Variants in UVSSA observed in about 807,000 individuals in gnomAD.
UVSSA encodes the protein UV-stimulated scaffold protein A.
UVSSA carries 72 observed loss-of-function variants against 73.9 expected under a neutral mutation model. The ratio of observed to expected loss-of-function variants is 0.97; its 90% CI spans 0.81 to 1.19. The LOEUF (loss-of-function observed/expected upper bound fraction) is 1.19, where lower values mean the gene tolerates loss of function less well. Among genes scored for constraint, UVSSA ranks in the 50% most tolerant of loss-of-function variants. UVSSA has a pLI of 0.00. For synonymous variants in UVSSA, 454 were observed against 391.3 expected, an observed-to-expected ratio of 1.16 and a Z score of -1.89; for missense variants, 1,150 against 965.0, an observed-to-expected ratio of 1.19 and a Z score of -2.54.
chr4:1,359,491 T>C (rs1009841801), intron 7 of UVSSA: 1 of 152,248 alleles, frequency 6.6e-6, no homozygotes, highest in Admixed American at 6.5e-5. Context: ...TAACAAAATA[T>C]TAATTTCCTA....
At chr4:1,383,100 C>T (rs1719694528) in intron 12 of UVSSA, among the ~76,000 whole-genome samples, 1 of 151,930 alleles carries the variant, frequency 6.6e-6, no homozygotes, top group Admixed American at 6.6e-5. Flanking sequence ...GGGAGGCTGC[C>T]CAGTGGGGCT....
chr4:1,364,408 A>C (rs1246969888), intron 7 of UVSSA, among the ~76,000 whole-genome samples: 1 of 151,932 alleles, frequency 6.6e-6, no homozygotes, highest in Non-Finnish European at 1.5e-5. Flanking sequence ...TTGGAGCCGC[A>C]GTCCCCTGCA....
upstream of UVSSA, among the ~76,000 whole-genome samples, chr4:1,345,718 G>A (rs925591093): frequency 6.6e-6 from 1 of 151,010 alleles, no homozygotes; most frequent in Non-Finnish European, 1.5e-5. Context: ...TGGACGGGCA[G>A]CTTGGCTGTG....
intron 7 of UVSSA, among the ~76,000 whole-genome samples, chr4:1,363,897 G>T (rs962427857): frequency 6.6e-6 from 1 of 152,288 alleles, no homozygotes; most frequent in Non-Finnish European, 1.5e-5. Flanking sequence ...CTCAGCAGTG[G>T]GATGCTCCTA....
intron 10 of UVSSA, among the ~76,000 whole-genome samples, chr4:1,376,702 T>C (rs1718811787): frequency 6.6e-6 from 1 of 152,238 alleles, no homozygotes; most frequent in African/African-American, 2.4e-5. Flanking sequence ...GGGGGTCATC[T>C]GTGCGAAAGT....
intron 8 of UVSSA, among the ~76,000 whole-genome samples, chr4:1,371,203 C>T (rs1016340514): frequency 6.6e-6 from 1 of 151,874 alleles, no homozygotes; most frequent in Non-Finnish European, 1.5e-5. Flanking sequence ...AAAAGAAGGC[C>T]TGCACGCTCT....
At chr4:1,360,299 G>A (rs933616906) in intron 7 of UVSSA, among the ~76,000 whole-genome samples, 5 of 152,212 alleles carry the variant, frequency 3.3e-5, no homozygotes, top group African/African-American at 4.8e-5. Context: ...GCACAGACCC[G>A]TCTTTTGGGC....
In UVSSA at chr4:1,353,847, C is replaced by T. The variant is rs568679620; in HGVS notation, c.934+434C>T. Reference sequence around the variant, plus strand: ...GTCGCCATGAGGGGTCAGGTAGCACCGGCCCTTGCTGGGAGGAAAATGTGT... The same window carrying T: ...GTCGCCATGAGGGGTCAGGTAGCACTGGCCCTTGCTGGGAGGAAAATGTGT... On this transcript the variant is annotated intron_variant, in intron 5 of 13. Transcript: ENST00000389851. Among the ~76,000 whole-genome samples, 11 of 152,300 alleles carry T rather than the reference C, an allele frequency of 7.2e-5. No individual in the cohort carries two copies. In the East Asian group the frequency reaches 1.4e-3, roughly 19 times the overall value.
chr4:1,354,233 G>A (rs373055493), intron 5 of UVSSA, among the ~76,000 whole-genome samples: 1 of 152,170 alleles, frequency 6.6e-6, no homozygotes, highest in South Asian at 2.1e-4. Flanking sequence ...GGCTGTCCTC[G>A]CCTGTATAGA....
chr4:1,348,256 G>C, intron 2 of UVSSA, 67 bp downstream of exon 2: 1 of 1,225,694 alleles, frequency 8.2e-7, no homozygotes, highest in Non-Finnish European at 1.2e-6. Flanking sequence ...ACAGGGCCCT[G>C]CCCTCCTGCC....
rs1577360593 is a variant in UVSSA at position 1,375,560 on chromosome 4, C to T, written c.1433+52C>T. On this transcript the variant is annotated intron_variant, in intron 9 of 13. Transcript: ENST00000389851. Reference sequence around the variant, plus strand: ...GCCCCCTGCCCGGCGCTGCCACAGCCTCTGCCCAGAGCACTGGCCGGCCTC... The same window carrying T: ...GCCCCCTGCCCGGCGCTGCCACAGCTTCTGCCCAGAGCACTGGCCGGCCTC... The T allele has an allele frequency of 5.1e-6, 8 of 1,583,156 alleles. No individual in the cohort carries two copies. In the African/African-American group the frequency reaches 9.4e-5, roughly 19 times the overall value.
In UVSSA at chr4:1,349,781, G is replaced by T; in HGVS notation, c.356G>T (p.Gly119Val). 2 of 1,603,326 alleles carry T rather than the reference G, an allele frequency of 1.2e-6. No homozygotes were observed. The highest frequency in any genetic ancestry group is 1.7e-6 in the Non-Finnish European group (2 of 1,173,548). Residue 119 changes from glycine to valine, a missense_variant, in exon 3 of 14, where the codon GGG (glycine) becomes GTG (valine). Coordinates refer to ENST00000389851, the MANE Select transcript of UVSSA (RefSeq NM_020894.4). ...LRQATTRAVE[G>V]WNEKFGEAYK... ...CAGGCGACCACCCGGGCCGTGGAAG[G>T]GTGGAATGAGAAGTTTGGGGAGGCC...
chr4:1,379,130 C>A (rs1719128427), intron 10 of UVSSA, among the ~76,000 whole-genome samples: 1 of 152,188 alleles, frequency 6.6e-6, no homozygotes, highest in Non-Finnish European at 1.5e-5. Context: ...GGTGTGGGAG[C>A]CCGGGAGCTT....
chr4:1,374,017 C>G (rs572063461), intron 8 of UVSSA, among the ~76,000 whole-genome samples: 2 of 152,242 alleles, frequency 1.3e-5, no homozygotes, highest in South Asian at 4.1e-4. Context: ...GCTGCCAGTT[C>G]GTTTTCTTCC....
At chr4:1,379,692 C>A (rs1028603112) in intron 10 of UVSSA, among the ~76,000 whole-genome samples, 8 of 152,222 alleles carry the variant, frequency 5.3e-5, no homozygotes, top group African/African-American at 1.9e-4. Context: ...CAGCTGTCGC[C>A]CTTGTCCTAT....
chr4:1,348,773 T>C (rs552508084), intron 2 of UVSSA, among the ~76,000 whole-genome samples: 49 of 152,376 alleles, frequency 3.2e-4, no homozygotes, highest in Non-Finnish European at 5.6e-4. Context: ...GTTGACATTT[T>C]GATAGAAAAT....
At chr4:1,375,109 A>T (rs917784955) in intron 8 of UVSSA, 9 of 544,802 alleles carry the variant, frequency 1.7e-5, no homozygotes, top group African/African-American at 9.6e-5. Flanking sequence ...CCGGCAGCAC[A>T]GTGTGTGAAC....
chr4:1,350,849 A>G (rs1450192320), intron 3 of UVSSA, among the ~76,000 whole-genome samples: 1 of 151,450 alleles, frequency 6.6e-6, no homozygotes, highest in Non-Finnish European at 1.5e-5. Context: ...TGTTAGGCCT[A>G]CTTGAGCTTT....
At chr4:1,347,948 G>C in intron 1 of UVSSA, 142 bp from the exon 2 acceptor site, 1 of 684,438 alleles carries the variant, frequency 1.5e-6, no homozygotes, top group Non-Finnish European at 2.6e-6. Context: ...ATATTTCCCA[G>C]AGAGGCACCC....
Sources: gnomAD v4.1 joint callset for allele counts (sites outside exome capture counted in the v4.1 genomes callset) on GRCh38, gnomAD v4.1.1 for gene constraint, MANE v1.5 for transcripts, NCBI Gene and HGNC (gene_info 2026-07-23, HGNC 2026-07-21) for gene names.